Variants in DPY19L1 observed in about 807,000 individuals in gnomAD.
DPY19L1 encodes dpy-19 like C-mannosyltransferase 1.
Under a neutral mutation model 96.9 loss-of-function variants are expected in DPY19L1, and 35 were observed. The ratio of observed to expected loss-of-function variants is 0.36; its 90% confidence interval spans 0.28 to 0.48. The LOEUF (loss-of-function observed/expected upper bound fraction) is 0.48. Ranked by LOEUF, DPY19L1 falls within the 20% of genes least tolerant of loss-of-function variation. The probability of loss-of-function intolerance (pLI) is 0.99; values close to 1 mark genes in which losing one functional copy is unlikely to be tolerated. For missense variants in DPY19L1, 521 were observed against 777.9 expected (o/e 0.67, Z 3.93); for synonymous variants, 205 against 252.6 (o/e 0.81, Z 1.79).
At chr7:34,959,120 A>G (rs1784438102) in intron 10 of DPY19L1, among the ~76,000 whole-genome samples, 1 of 152,238 alleles carries the variant, frequency 6.6e-6, no homozygotes, top group Admixed American at 6.5e-5. Flanking sequence ...AAAAAAGCTC[A>G]TCATAATTGG....
intron 7 of DPY19L1, among the ~76,000 whole-genome samples, 194 bp downstream of exon 7, chr7:34,989,690 T>C (rs1299082932): frequency 6.6e-6 from 1 of 151,998 alleles, no homozygotes; most frequent in Non-Finnish European, 1.5e-5. Flanking sequence ...ACCCATTATT[T>C]CATCAAATTA....
chr7:35,011,169 C>A (rs959484235), intron 5 of DPY19L1, among the ~76,000 whole-genome samples, 161 bp downstream of exon 5: 1 of 152,170 alleles, frequency 6.6e-6, no homozygotes, highest in African/African-American at 2.4e-5. Flanking sequence ...CATAAACCAG[C>A]CCCGCTAAAG....
At chr7:34,992,144 C>T (rs1418228621) in intron 6 of DPY19L1, among the ~76,000 whole-genome samples, 1 of 152,154 alleles carries the variant, frequency 6.6e-6, no homozygotes, top group Non-Finnish European at 1.5e-5. Flanking sequence ...CTCCACCCCT[C>T]GTGCAGACTC....
intron 7 of DPY19L1, among the ~76,000 whole-genome samples, chr7:34,977,773 A>G (rs1218014508): frequency 1.3e-5 from 2 of 152,178 alleles, no homozygotes; most frequent in Non-Finnish European, 2.9e-5. Context: ...TAAAGGCATT[A>G]TTTTGAAATT....
intron 1 of DPY19L1, among the ~76,000 whole-genome samples, chr7:35,022,069 G>A (rs1046585781): frequency 6.6e-6 from 1 of 151,390 alleles, no homozygotes; most frequent in Non-Finnish European, 1.5e-5. Context: ...CACCCCTAAA[G>A]AGCTTTTCTA....
chr7:34,940,393 C>A, intron 18 of DPY19L1, 66 bp from the exon 19 acceptor site: 1 of 1,406,628 alleles, frequency 7.1e-7, no homozygotes, highest in Middle Eastern at 2.6e-4. Flanking sequence ...TTATGCAAAA[C>A]TTCTTCCCAG....
chr7:34,992,556 T>C (rs1279059356), intron 6 of DPY19L1, among the ~76,000 whole-genome samples: 1 of 151,354 alleles, frequency 6.6e-6, no homozygotes, highest in Non-Finnish European at 1.5e-5. Flanking sequence ...TTTTTTTTTT[T>C]TTTTTCCAGA....
chr7:34,971,126 T>C (rs546051413), intron 8 of DPY19L1, among the ~76,000 whole-genome samples: 1 of 152,136 alleles, frequency 6.6e-6, no homozygotes, highest in African/African-American at 2.4e-5. Context: ...CTCCCTCTAA[T>C]GTCACAATAT....
At chr7:35,020,303 A>G (rs568202033) in intron 1 of DPY19L1, among the ~76,000 whole-genome samples, 37 of 152,362 alleles carry the variant, frequency 2.4e-4, no homozygotes, top group Non-Finnish European at 4.4e-4. Context: ...CTCTGAGGTT[A>G]TAATTGGATT....
chr7:34,994,093 T>C (rs1002717370), intron 6 of DPY19L1, among the ~76,000 whole-genome samples: 1 of 152,048 alleles, frequency 6.6e-6, no homozygotes, highest in African/African-American at 2.4e-5. Flanking sequence ...ACAACCAATG[T>C]AAGAGTCAAG....
At chr7:34,996,536 CCCTCCATCCCA>C (rs952458044) in intron 6 of DPY19L1, among the ~76,000 whole-genome samples, 3 of 152,126 alleles carry the variant, frequency 2.0e-5, no homozygotes, top group African/African-American at 7.2e-5. Context: ...CTGTCCACTT[CCCTCCATCCCA>C]CCACCATCAT....
At chr7:34,944,687 T>C (rs1344938375) in intron 16 of DPY19L1, among the ~76,000 whole-genome samples, 3 of 152,202 alleles carry the variant, frequency 2.0e-5, no homozygotes, top group South Asian at 2.1e-4. Context: ...CTATGTATCA[T>C]AGTAGATATT....
intron 10 of DPY19L1, among the ~76,000 whole-genome samples, chr7:34,960,321 T>A (rs1010246984): frequency 4.6e-5 from 7 of 152,112 alleles, no homozygotes; most frequent in Admixed American, 3.3e-4. Flanking sequence ...TTCCATTTCT[T>A]TAAATCTTCT....
chr7:34,946,263 C>A (rs1049698425), intron 15 of DPY19L1, among the ~76,000 whole-genome samples: 15 of 152,162 alleles, frequency 9.9e-5, no homozygotes, highest in African/African-American at 3.4e-4. Context: ...AGGCTGTAAT[C>A]CAGCCCTTAG....
Position 35,017,937 on chromosome 7 carries a change from C to T in DPY19L1, c.356G>A (p.Arg119His), listed in dbSNP as rs762478422. 2.7e-5 allele frequency: 44 copies of T among 1,604,252 alleles called. No homozygotes were observed. In the South Asian group the frequency reaches 3.2e-4, roughly 12 times the overall value. The change falls in exon 3 of 22, where the codon CGT becomes CAT. Residue 119 changes from arginine to histidine, a missense_variant. By Grantham distance (29) the Arg-to-His change is conservative. Coordinates refer to ENST00000638088, the MANE Select transcript of DPY19L1 (RefSeq NM_001366673.1). Reference protein sequence around the residue: ...SHITHLFENDRHFSHLSTLER... With the variant: ...SHITHLFENDHHFSHLSTLER... ...CAATGTTGAGAGGTGAGAAAAATGA[C>T]GGTCATTTTCAAAGAGGTGTGTTAT...
In DPY19L1 at chr7:35,003,060, G is replaced by A. The variant is rs1394497270; in HGVS notation, c.764+7408C>T. 3.9e-5 allele frequency among the ~76,000 whole-genome samples: 6 copies of A among 152,146 alleles called. No individual in the cohort carries two copies. The East Asian group carries it at 5.8e-4, about 15-fold the overall frequency. ...GCTGGGATTACAGGCGTGAGCCACC[G>A]TGCCCGGCCAGCAACCAACAATGTT... On this transcript the variant is annotated intron_variant, in intron 6 of 21. Coordinates refer to ENST00000638088, the MANE Select transcript of DPY19L1 (RefSeq NM_001366673.1).
chr7:35,037,688 C>T (rs1196869461), upstream of DPY19L1: 3 of 356,502 alleles, frequency 8.4e-6, no homozygotes, highest in Non-Finnish European at 1.2e-5. Flanking sequence ...GCGGGGACAC[C>T]CTGCGAGCGG....
At chr7:34,982,362 A>T (rs1784957317) in intron 7 of DPY19L1, among the ~76,000 whole-genome samples, 1 of 152,212 alleles carries the variant, frequency 6.6e-6, no homozygotes, top group Non-Finnish European at 1.5e-5. Context: ...TCTGCAGCTC[A>T]TTTTCAAACG....
intron 11 of DPY19L1, among the ~76,000 whole-genome samples, chr7:34,957,148 C>G (rs1302925351): frequency 6.6e-6 from 1 of 150,952 alleles, no homozygotes; most frequent in Non-Finnish European, 1.5e-5. Flanking sequence ...TTTGGGAGGC[C>G]GAGGTGGGCA....
Sources: allele counts gnomAD v4.1 joint callset (sites outside exome capture counted in the v4.1 genomes callset), GRCh38; gene constraint gnomAD v4.1.1; transcripts MANE v1.5; gene names NCBI Gene and HGNC (gene_info 2026-07-23, HGNC 2026-07-21).